ATXN1: variants seen among roughly 807,000 people sequenced by gnomAD.
The protein encoded by ATXN1 is ataxin-1.
A neutral mutation model predicts 56.4 loss-of-function variants in ATXN1; 8 were observed. That is an observed-to-expected ratio of 0.14 (90% CI 0.08 to 0.26). ATXN1 has a LOEUF of 0.26. Among genes scored for constraint, ATXN1 ranks in the 10% least tolerant of loss-of-function variants. The pLI, the probability that ATXN1 is intolerant of heterozygous loss-of-function variation, is 1.00. For missense variants in ATXN1, 987 were observed against 1,106.5 expected, an observed-to-expected ratio of 0.89 and a Z score of 1.53; for synonymous variants, 514 against 494.6, an observed-to-expected ratio of 1.04 and a Z score of -0.52.
chr6:16,508,570 C>A (rs1252007426), intron 5 of ATXN1, among the ~76,000 whole-genome samples: 2 of 152,178 alleles, frequency 1.3e-5, no homozygotes, highest in Non-Finnish European at 2.9e-5. Context: ...TCTCAAACCT[C>A]CAACCTATTA....
intron 3 of ATXN1, among the ~76,000 whole-genome samples, chr6:16,614,355 T>C (rs1275267929): frequency 6.6e-6 from 1 of 151,654 alleles, no homozygotes; most frequent in Non-Finnish European, 1.5e-5. Flanking sequence ...TGCACTCAGC[T>C]CTACCTCTTG....
At position 16,328,799 on chromosome 6, in the gene ATXN1, C is replaced by A. The variant is rs927087070; in HGVS notation, c.-160-329G>T. Among the ~76,000 whole-genome samples the A allele has an allele frequency of 6.6e-6, 1 of 152,144 alleles. No individual in the cohort carries two copies. Among genetic ancestry groups the A allele is most frequent in the Non-Finnish European group, 1.5e-5 (1 of 68,016 alleles). On this transcript the variant is annotated intron_variant, in intron 6 of 7. Coordinates refer to ENST00000436367, the MANE Select transcript of ATXN1 (RefSeq NM_001128164.2). This position sits in a 1 kb window ranked among gnomAD's most constrained non-coding sequence, Gnocchi z 6.2. ...GCCTGGTGTAACATTAGCTGGCACA[C>A]GGCTGTAGTCCCAGCTACTTGAGAG...
chr6:16,554,310 C>G (rs1761972557), intron 4 of ATXN1, among the ~76,000 whole-genome samples: 1 of 152,214 alleles, frequency 6.6e-6, no homozygotes, highest in Admixed American at 6.5e-5. Context: ...ATGCGTTTAG[C>G]CCTGTGCTAA....
intron 2 of ATXN1, 162 bp downstream of exon 2, chr6:16,753,071 A>C (rs978115284): frequency 2.9e-6 from 1 of 348,254 alleles, no homozygotes; most frequent in African/African-American, 2.1e-5. Context: ...TTTAAAAAAC[A>C]ATCTTGGCAA....
chr6:16,379,736 A>T (rs1270156405), intron 6 of ATXN1, among the ~76,000 whole-genome samples: 1 of 152,188 alleles, frequency 6.6e-6, no homozygotes, highest in Non-Finnish European at 1.5e-5. Flanking sequence ...CGCAGGTAAT[A>T]AATGACTCTA....
chr6:16,366,414 T>C (rs1761920320), intron 6 of ATXN1, among the ~76,000 whole-genome samples: 1 of 152,094 alleles, frequency 6.6e-6, no homozygotes, highest in South Asian at 2.1e-4. Context: ...ATTTAGAATA[T>C]AACAAAAGGG....
intron 6 of ATXN1, among the ~76,000 whole-genome samples, chr6:16,393,495 A>G (rs569531100): frequency 1.1e-3 from 163 of 152,150 alleles, no homozygotes; most frequent in Non-Finnish European, 2.0e-3. Context: ...TTGGCCTTCC[A>G]AAGTGTTGGA....
intron 7 of ATXN1, among the ~76,000 whole-genome samples, chr6:16,315,414 A>G (rs1760486155): frequency 6.6e-6 from 1 of 152,262 alleles, no homozygotes; most frequent in Non-Finnish European, 1.5e-5. Context: ...GCCAAGCTGC[A>G]TCTCACTCGC....
chr6:16,465,611 G>A (rs1333224700), intron 6 of ATXN1, among the ~76,000 whole-genome samples: 2 of 152,182 alleles, frequency 1.3e-5, no homozygotes, highest in East Asian at 1.9e-4. Flanking sequence ...GGCAGGGTCT[G>A]GGGTGGGATG....
At chr6:16,491,089 G>GGT (rs1760649383) in intron 5 of ATXN1, among the ~76,000 whole-genome samples, 1 of 93,728 alleles carries the variant, frequency 1.1e-5, no homozygotes, top group African/African-American at 4.4e-5. Context: ...CGGATCCCTG[G>GGT]ATTTTTTTTT....
intron 3 of ATXN1, among the ~76,000 whole-genome samples, chr6:16,592,453 T>C (rs749655325): frequency 3.9e-5 from 6 of 152,010 alleles, no homozygotes; most frequent in African/African-American, 4.8e-5. Flanking sequence ...AAAAGAAAGG[T>C]GGGCACCAAA....
rs201287631 is a variant in ATXN1 at position 16,562,705 on chromosome 6, C to CT, written c.-361+23074dup. ...TTGGATGACAGAGAAGAACTGGTGA[C>CT]TAAGACTTCAGTGGGTGGTAATAAT... On this transcript the variant is annotated intron_variant, in intron 4 of 7. Transcript: ENST00000436367. 6.5e-3 allele frequency among the ~76,000 whole-genome samples: 994 copies of CT among 151,942 alleles called. 10 individuals are homozygous for CT. Among genetic ancestry groups the CT allele is most frequent in the African/African-American group, 0.023 (947 of 41,412 alleles).
intron 2 of ATXN1, among the ~76,000 whole-genome samples, chr6:16,670,902 A>G: frequency 6.6e-6 from 1 of 152,246 alleles, no homozygotes. Flanking sequence ...CCACATGCCA[A>G]CAACTCAATT....
chr6:16,421,779 C>T (rs572809013), intron 6 of ATXN1, among the ~76,000 whole-genome samples: 1 of 152,162 alleles, frequency 6.6e-6, no homozygotes, highest in African/African-American at 2.4e-5. Flanking sequence ...AGTACATGTG[C>T]AGGCGTTGAT....
intron 3 of ATXN1, among the ~76,000 whole-genome samples, chr6:16,596,857 A>G (rs1762824205): frequency 6.6e-6 from 1 of 152,208 alleles, no homozygotes; most frequent in East Asian, 1.9e-4. Context: ...AAAGAAGCTC[A>G]GCATTTACTA....
At chr6:16,540,225 T>A (rs1408669309) in intron 4 of ATXN1, among the ~76,000 whole-genome samples, 1 of 152,150 alleles carries the variant, frequency 6.6e-6, no homozygotes, top group Non-Finnish European at 1.5e-5. Flanking sequence ...ATTATAATTA[T>A]TTTTGGAGAC....
chr6:16,627,796 T>C (rs1441364141), intron 3 of ATXN1, among the ~76,000 whole-genome samples: 1 of 151,952 alleles, frequency 6.6e-6, no homozygotes, highest in African/African-American at 2.4e-5. Context: ...GGAATACACA[T>C]CACAACGCAG....
chr6:16,362,508 T>C (rs961333528), intron 6 of ATXN1, among the ~76,000 whole-genome samples: 1 of 151,832 alleles, frequency 6.6e-6, no homozygotes, highest in African/African-American at 2.4e-5. Flanking sequence ...ATCACTTCGC[T>C]CCCGCCCGGT....
Position 16,760,629 on chromosome 6 carries a change from C to G in ATXN1, c.-730+669G>C, listed in dbSNP as rs528326320. Among the ~76,000 whole-genome samples, 65 of 151,240 alleles carry G rather than the reference C, an allele frequency of 4.3e-4. No individual in the cohort carries two copies. The highest frequency in any genetic ancestry group is 1.1e-3 in the Admixed American group (17 of 15,230). ...CCCGGCTGCAGGAGCAGTCCCTTCC[C>G]CGCCCGCAGCCGCACACCCGGCGAG... On this transcript the variant is annotated intron_variant, in intron 1 of 7. Transcript: ENST00000436367. The surrounding 1 kb of genome is among the most constrained non-coding windows in gnomAD (Gnocchi z 5.3).
Sources: allele counts gnomAD v4.1 joint callset (sites outside exome capture counted in the v4.1 genomes callset), GRCh38; gene constraint gnomAD v4.1.1; non-coding constraint Gnocchi (gnomAD v3.1); transcripts MANE v1.5; gene names NCBI Gene and HGNC (gene_info 2026-07-23, HGNC 2026-07-21).